Variants in ALPK1 observed in about 807,000 individuals in gnomAD.
The protein encoded by ALPK1 is alpha-protein kinase 1.
ALPK1 carries 110 observed loss-of-function variants against 120.6 expected under a neutral mutation model. That is an observed-to-expected ratio of 0.91 (90% CI 0.78 to 1.07). ALPK1 has a LOEUF of 1.07. Ranked by LOEUF, ALPK1 falls within the 50% of genes least tolerant of loss-of-function variation. The pLI, the probability that ALPK1 is intolerant of heterozygous loss-of-function variation, is 0.00. For synonymous variants in ALPK1, 582 were observed against 560.3 expected, an observed-to-expected ratio of 1.04 and a Z score of -0.55; for missense variants, 1,498 against 1,483.9, an observed-to-expected ratio of 1.01 and a Z score of -0.16.
intron 2 of ALPK1, among the ~76,000 whole-genome samples, chr4:112,328,236 C>T (rs183829540): frequency 1.1e-4 from 17 of 152,346 alleles, no homozygotes; most frequent in Non-Finnish European, 2.1e-4. Context: ...AGCCCACTCG[C>T]GGTCATGCCC....
In ALPK1 at chr4:112,430,712, C is replaced by A. The variant is rs763727109; in HGVS notation, c.1165C>A (p.Leu389Met). ...GCTCTGTAAGGAAGCAATGGGGAAG[C>A]TGTACAATTTCAGCACTTCCTCCAG... The part of the protein sequence containing the change: ...SQLCKEAMGK[L>M]YNFSTSSRSQ... Residue 389 changes from leucine (L) to methionine (M), a missense_variant, in exon 11 of 16, where the codon CTG becomes ATG. Coordinates refer to ENST00000650871, the MANE Select transcript of ALPK1 (RefSeq NM_025144.4). 2 of 1,614,108 alleles carry A rather than the reference C, an allele frequency of 1.2e-6. No homozygotes were observed. The highest frequency in any genetic ancestry group is 8.5e-7 in the Non-Finnish European group (1 of 1,180,046).
At chr4:112,377,998 C>T in intron 3 of ALPK1, 100 bp downstream of exon 3, 1 of 1,236,472 alleles carries the variant, frequency 8.1e-7, no homozygotes, top group Non-Finnish European at 1.0e-6. Flanking sequence ...TTTTTCTTCT[C>T]TTGGCAGATG....
intron 2 of ALPK1, among the ~76,000 whole-genome samples, chr4:112,334,672 G>A (rs1467791975): frequency 6.6e-6 from 1 of 152,000 alleles, no homozygotes; most frequent in Non-Finnish European, 1.5e-5. Flanking sequence ...ATATCCCAGG[G>A]GATATAGGGG....
At chr4:112,374,214 C>A (rs1193977425) in intron 2 of ALPK1, among the ~76,000 whole-genome samples, 1 of 152,184 alleles carries the variant, frequency 6.6e-6, no homozygotes, top group African/African-American at 2.4e-5. Flanking sequence ...GGTTTGTTGC[C>A]ATTTCAACAA....
intron 1 of ALPK1, among the ~76,000 whole-genome samples, chr4:112,306,713 T>C (rs1340392081): frequency 6.6e-6 from 1 of 152,084 alleles, no homozygotes; most frequent in Admixed American, 6.5e-5. Flanking sequence ...CCTGGATTCA[T>C]TGATTTTTTT....
chr4:112,374,039 G>A (rs973725982), intron 2 of ALPK1, among the ~76,000 whole-genome samples: 4 of 152,170 alleles, frequency 2.6e-5, no homozygotes, highest in Non-Finnish European at 5.9e-5. Context: ...AGACAACAAT[G>A]AAGTTTGCTA....
intron 4 of ALPK1, among the ~76,000 whole-genome samples, chr4:112,391,169 A>G (rs542287750): frequency 2.6e-5 from 4 of 152,296 alleles, no homozygotes; most frequent in African/African-American, 9.6e-5. Context: ...GTCTTAGTCT[A>G]TGAAATGTGG....
At chr4:112,298,673 G>A (rs1204606117) in intron 1 of ALPK1, among the ~76,000 whole-genome samples, 1 of 152,058 alleles carries the variant, frequency 6.6e-6, no homozygotes, top group Non-Finnish European at 1.5e-5. Flanking sequence ...TAAAGAAAAG[G>A]CATGTGTAAA....
intron 4 of ALPK1, among the ~76,000 whole-genome samples, chr4:112,391,348 A>T (rs1253452143): frequency 6.6e-6 from 1 of 152,258 alleles, no homozygotes; most frequent in Non-Finnish European, 1.5e-5. Flanking sequence ...ACTGCAGGCC[A>T]TAAAAAGTAT....
At chr4:112,362,285 C>G (rs959559638) in intron 2 of ALPK1, among the ~76,000 whole-genome samples, 2 of 152,096 alleles carry the variant, frequency 1.3e-5, no homozygotes, top group Admixed American at 1.3e-4. Context: ...ATTATTAAGC[C>G]AATCAAGGAG....
At chr4:112,333,260 T>A (rs1056878493) in intron 2 of ALPK1, among the ~76,000 whole-genome samples, 1 of 152,250 alleles carries the variant, frequency 6.6e-6, no homozygotes, top group African/African-American at 2.4e-5. Flanking sequence ...CTCTCAATTC[T>A]AAAGAGTATA....
chr4:112,399,457 G>A (rs774102417), intron 4 of ALPK1, among the ~76,000 whole-genome samples: 1 of 152,220 alleles, frequency 6.6e-6, no homozygotes, highest in Non-Finnish European at 1.5e-5. Flanking sequence ...ATTTACAAAA[G>A]AGTGGCAGGT....
chr4:112,379,559 G>A (rs1025864674), intron 3 of ALPK1, among the ~76,000 whole-genome samples: 2 of 152,376 alleles, frequency 1.3e-5, no homozygotes, highest in Admixed American at 1.3e-4. Flanking sequence ...CCCTCGGCAG[G>A]TGGCTGCGGA....
At chr4:112,322,712 G>A (rs1728914687) in intron 2 of ALPK1, among the ~76,000 whole-genome samples, 1 of 152,136 alleles carries the variant, frequency 6.6e-6, no homozygotes, top group Non-Finnish European at 1.5e-5. Context: ...CAGGGCCCCA[G>A]ATCAATGAGT....
intron 2 of ALPK1, among the ~76,000 whole-genome samples, chr4:112,349,656 C>T (rs1239271318): frequency 2.7e-5 from 4 of 148,352 alleles, no homozygotes; most frequent in Non-Finnish European, 5.9e-5. Flanking sequence ...CAGGTTCAAG[C>T]GATTCTCCTG....
chr4:112,371,265 C>G (rs369110285), intron 2 of ALPK1, among the ~76,000 whole-genome samples: 1 of 152,162 alleles, frequency 6.6e-6, no homozygotes, highest in East Asian at 1.9e-4. Context: ...CGCACTACAG[C>G]TAAAACAGAG....
rs187944933 is a variant in ALPK1 at position 112,327,287 on chromosome 4, A to G, written c.-101+11435A>G. ...TCTTGTAGCCTCAGATTTCTCATCC[A>G]CAAAATGAGAATAACAAGACTTCAT... On this transcript the variant is annotated intron_variant, in intron 2 of 15. Transcript: ENST00000650871. Among the ~76,000 whole-genome samples the G allele has an allele frequency of 3.8e-3, 586 of 152,338 alleles. 5 individuals are homozygous for G. Among genetic ancestry groups the G allele is most frequent in the Middle Eastern group, 0.014 (4 of 294 alleles).
At chr4:112,427,440 TGTCA>T in intron 8 of ALPK1, 126 bp from the exon 9 acceptor site, 5 of 235,932 alleles carry the variant, frequency 2.1e-5, no homozygotes, top group Admixed American at 7.6e-5. Flanking sequence ...GTATCTCCAA[TGTCA>T]TAGTAATAAA....
At chr4:112,433,939 G>T (rs1734684387) in intron 11 of ALPK1, among the ~76,000 whole-genome samples, 1 of 152,132 alleles carries the variant, frequency 6.6e-6, no homozygotes, top group Non-Finnish European at 1.5e-5. Context: ...CCTCTCTGGT[G>T]ATTCTGCTTA....
Sources: gnomAD v4.1 joint callset for allele counts (sites outside exome capture counted in the v4.1 genomes callset) on GRCh38, gnomAD v4.1.1 for gene constraint, MANE v1.5 for transcripts, NCBI Gene and HGNC (gene_info 2026-07-23, HGNC 2026-07-21) for gene names.